The following CFAP68 variants were observed in gnomAD, a reference collection of about 807,000 sequenced individuals.
The protein encoded by CFAP68 is cilia and flagella associated protein 68, also known as cilia- and flagella-associated protein 68.
At chr11:111,881,227 A>G in the CFAP68 span, 1 of 1,362,224 alleles carries the variant, frequency 7.3e-7, no homozygotes, top group South Asian at 1.8e-5. Flanking sequence ...AGACAGTTAC[A>G]CCTAGATCTC....
chr11:111,884,656 T>G, the CFAP68 span: 1 of 152,140 alleles, frequency 6.6e-6, no homozygotes, highest in African/African-American at 2.4e-5. Flanking sequence ...GAACATCCCC[T>G]CTTGAGGACT....
At chr11:111,880,523 T>G in the CFAP68 span, among the ~76,000 whole-genome samples, 1 of 152,208 alleles carries the variant, frequency 6.6e-6, no homozygotes, top group African/African-American at 2.4e-5. Context: ...CTGGTCATCC[T>G]CATTGCTACA....
chr11:111,880,930 T>G, the CFAP68 span: 6 of 380,780 alleles, frequency 1.6e-5, no homozygotes, highest in Non-Finnish European at 2.6e-5. Context: ...GATACAATTA[T>G]ACTTTCACTT....
chr11:111,883,860 A>T, the CFAP68 span: 1 of 1,607,016 alleles, frequency 6.2e-7, no homozygotes, highest in Non-Finnish European at 8.5e-7. Context: ...AACTTACATG[A>T]ATAGCTATTC....
the CFAP68 span, chr11:111,881,248 A>G: frequency 1.4e-6 from 2 of 1,399,912 alleles, no homozygotes; most frequent in Non-Finnish European, 1.8e-6. Context: ...CAGTATGAGT[A>G]CCAGGCCCAT....
At chr11:111,885,904 T>C in the CFAP68 span, 4 of 152,064 alleles carry the variant, frequency 2.6e-5, no homozygotes, top group Non-Finnish European at 4.4e-5. Context: ...CCACCATTAG[T>C]TATTGAAAAG....
At chr11:111,879,550 C>A in the CFAP68 span, 1 of 1,614,098 alleles carries the variant, frequency 6.2e-7, no homozygotes, top group East Asian at 2.2e-5. Context: ...CCTTTTTTCA[C>A]CTCGTCTGAA....
chr11:111,882,349 T>C, the CFAP68 span: 6 of 1,597,518 alleles, frequency 3.8e-6, no homozygotes, highest in Admixed American at 8.4e-5. Flanking sequence ...TAAGCTTTTC[T>C]ATTCTTGTCT....
At chr11:111,879,912 G>A in the CFAP68 span, among the ~76,000 whole-genome samples, 1 of 152,186 alleles carries the variant, frequency 6.6e-6, no homozygotes, top group African/African-American at 2.4e-5. Flanking sequence ...ACTGAGTCAA[G>A]AGGCGTGAAG....
the CFAP68 span, chr11:111,879,691 T>A: frequency 7.0e-7 from 1 of 1,432,236 alleles, no homozygotes; most frequent in Non-Finnish European, 9.8e-7. Context: ...GTGGTTACGA[T>A]ATGTGGATGA....
chr11:111,879,909 C>T, the CFAP68 span, among the ~76,000 whole-genome samples: 12 of 152,104 alleles, frequency 7.9e-5, 1 homozygote, highest in Admixed American at 7.2e-4. Flanking sequence ...TTAACTGAGT[C>T]AAGAGGCGTG....
the CFAP68 span, chr11:111,884,493 GAATT>G: frequency 1.1e-5 from 1 of 94,834 alleles, no homozygotes; most frequent in Admixed American, 1.1e-4. Flanking sequence ...AAAAAAAAAA[GAATT>G]ATTTCTCTGA....
At chr11:111,885,813 C>A in the CFAP68 span, 1 of 151,830 alleles carries the variant, frequency 6.6e-6, no homozygotes, top group African/African-American at 2.4e-5. Flanking sequence ...ACTTTAGTTT[C>A]GAGATATAGA....
At chr11:111,882,489 G>T in the CFAP68 span, 1 of 1,614,090 alleles carries the variant, frequency 6.2e-7, no homozygotes, top group South Asian at 1.1e-5. Flanking sequence ...TATGGATGGC[G>T]ATGCACCACT....
chr11:111,881,150 A>G, the CFAP68 span: 5 of 1,182,006 alleles, frequency 4.2e-6, no homozygotes, highest in Non-Finnish European at 5.3e-6. Flanking sequence ...GTCAGAGTCA[A>G]AGATAAGCCC....
the CFAP68 span, among the ~76,000 whole-genome samples, chr11:111,882,154 A>G: frequency 6.6e-6 from 1 of 152,090 alleles, no homozygotes; most frequent in Non-Finnish European, 1.5e-5. Flanking sequence ...GGGGGTGTGG[A>G]TTTAATCCAT....
the CFAP68 span, chr11:111,882,357 T>C: frequency 6.2e-7 from 1 of 1,605,886 alleles, no homozygotes; most frequent in Admixed American, 1.7e-5. Context: ...TCTATTCTTG[T>C]CTTTTCCCAG....
the CFAP68 span, chr11:111,884,743 A>C: frequency 6.6e-6 from 1 of 152,236 alleles, no homozygotes; most frequent in African/African-American, 2.4e-5. Context: ...TAGTCTAATG[A>C]ACTCCCATGT....
At chr11:111,882,526 CCT>C in the CFAP68 span, 4 of 1,613,930 alleles carry the variant, frequency 2.5e-6, no homozygotes, top group South Asian at 4.4e-5. Flanking sequence ...CAAACCGTAC[CCT>C]GATGGGCAAC....
Sources: allele counts gnomAD v4.1 joint callset (sites outside exome capture counted in the v4.1 genomes callset), GRCh38; gene constraint gnomAD v4.1.1; transcripts MANE v1.5; gene names NCBI Gene and HGNC (gene_info 2026-07-23, HGNC 2026-07-21).